The following FAP variants were observed in gnomAD, a reference collection of about 807,000 sequenced individuals.
FAP encodes the protein fibroblast activation protein alpha.
FAP carries 110 observed loss-of-function variants against 126.5 expected under a neutral mutation model. The observed-to-expected ratio is 0.87, with a 90% confidence interval of 0.74 to 1.02. The LOEUF (loss-of-function observed/expected upper bound fraction) is 1.02. Ranked by LOEUF, FAP falls within the 50% of genes least tolerant of loss-of-function variation. The probability of loss-of-function intolerance (pLI) is 0.00; values close to 1 mark genes in which losing one functional copy is unlikely to be tolerated. For missense variants in FAP, 919 were observed against 909.2 expected, an observed-to-expected ratio of 1.01 and a Z score of -0.14; for synonymous variants, 334 against 297.3, an observed-to-expected ratio of 1.12 and a Z score of -1.27.
chr2:162,197,815 C>T (rs1029721122), intron 16 of FAP: 3 of 348,242 alleles, frequency 8.6e-6, no homozygotes, highest in African/African-American at 2.2e-5. Context: ...GGAGCTGATA[C>T]CAAAACAGGA....
chr2:162,180,808 TG>T (rs1395644110), intron 21 of FAP, among the ~76,000 whole-genome samples: 1 of 152,070 alleles, frequency 6.6e-6, no homozygotes, highest in Non-Finnish European at 1.5e-5. Context: ...GTGAGACATG[TG>T]GGAGAGATGA....
At chr2:162,221,302 G>A (rs926174443) in intron 6 of FAP, among the ~76,000 whole-genome samples, 3 of 152,070 alleles carry the variant, frequency 2.0e-5, no homozygotes, top group Non-Finnish European at 4.4e-5. Flanking sequence ...CACTTTGGGC[G>A]GCGGATTTCT....
At chr2:162,192,108 A>G (rs1389001288) in intron 17 of FAP, among the ~76,000 whole-genome samples, 1 of 152,164 alleles carries the variant, frequency 6.6e-6, no homozygotes, top group East Asian at 1.9e-4. Flanking sequence ...TTCAAAAACA[A>G]AATTAAACCT....
At chr2:162,199,674 T>A (rs1482977979) in intron 15 of FAP, among the ~76,000 whole-genome samples, 1 of 152,206 alleles carries the variant, frequency 6.6e-6, no homozygotes, top group Non-Finnish European at 1.5e-5. Flanking sequence ...TGCCAACCTG[T>A]GAGTTTCTTC....
At position 162,226,533 on chromosome 2, in the gene FAP, G is replaced by A; in HGVS notation, c.180C>T (p.Asn60=). Residue 60 remains asparagine (N), a synonymous_variant, in exon 3 of 26, where the codon AAC becomes AAT. Transcript: ENST00000188790. ...AAATAATGCACTTACCTGAAATCCAGTTTGGAAAAAATGTTTTATAAGAAA... is the reference window on the plus strand; with the variant it reads ...AAATAATGCACTTACCTGAAATCCAATTTGGAAAAAATGTTTTATAAGAAA... ...GTFSYKTFFP[N]WISGQEYLHQ... is the part of the protein sequence containing the mutation. 6.4e-7 allele frequency: 1 copy of A among 1,557,130 alleles called. No homozygotes were observed. Among genetic ancestry groups the A allele is most frequent in the South Asian group, 1.2e-5 (1 of 84,348 alleles).
chr2:162,178,861 C>T (rs1687581908), intron 21 of FAP, among the ~76,000 whole-genome samples: 1 of 152,198 alleles, frequency 6.6e-6, no homozygotes, highest in African/African-American at 2.4e-5. Flanking sequence ...AAGTAAACCT[C>T]ATGGTAATTT....
chr2:162,196,997 A>G (rs1485191447), intron 16 of FAP, among the ~76,000 whole-genome samples: 1 of 152,206 alleles, frequency 6.6e-6, no homozygotes, highest in Non-Finnish European at 1.5e-5. Context: ...TTCAGTGGGC[A>G]CACAGGCTCA....
chr2:162,226,736 T>C lies in FAP; in HGVS notation c.92-115A>G, dbSNP rs1689669577. The C allele has an allele frequency of 5.1e-6, 3 of 583,732 alleles. No homozygotes were observed. In the East Asian group the frequency reaches 9.6e-5, roughly 19 times the overall value. The allele number at this position is 583,732 out of a possible 1,614,324, so 36.2% of individuals were successfully genotyped here. On this transcript the variant is annotated intron_variant, in intron 2 of 25. Transcript: ENST00000188790. ...TATAGTAATAAGATCTGCTGTTTGCTAAGTGGTTGTTGAACTCCTATCATC... is the reference window on the plus strand; with the variant it reads ...TATAGTAATAAGATCTGCTGTTTGCCAAGTGGTTGTTGAACTCCTATCATC...
At chr2:162,199,655 G>C (rs1688415828) in intron 15 of FAP, among the ~76,000 whole-genome samples, 1 of 149,726 alleles carries the variant, frequency 6.7e-6, no homozygotes, top group Non-Finnish European at 1.5e-5. Context: ...TGCCTGTCAG[G>C]GTCTCCTGTG....
intron 13 of FAP, 28 bp from the exon 14 acceptor site, chr2:162,202,970 T>C: frequency 6.2e-7 from 1 of 1,608,426 alleles, no homozygotes; most frequent in South Asian, 1.1e-5. Flanking sequence ...TTATGTTGTG[T>C]GAAACTGAGC....
intron 11 of FAP, among the ~76,000 whole-genome samples, chr2:162,211,420 A>G (rs955066145): frequency 9.2e-5 from 14 of 152,182 alleles, no homozygotes; most frequent in Admixed American, 6.5e-4. Context: ...TGTTGTTGTT[A>G]TAGCAGTTAG....
chr2:162,216,000 G>T lies in FAP; in HGVS notation c.764C>A (p.Ala255Asp). 6.2e-7 allele frequency: 1 copy of T among 1,612,200 alleles called. No individual in the cohort carries two copies. ...CCGAACAACGGGATTCTTAGCTCCA[G>T]CCTGCCAAGAAAATTGAGATATATA... is the stretch of plus-strand genomic sequence containing the variant. ...PRTINIPYPK[A>D]GAKNPVVRIF... The change falls in exon 10 of 26, where the codon GCT (alanine) becomes GAT (aspartate). Residue 255 changes from alanine (A) to aspartate (D), a missense_variant and splice_region_variant. Coordinates refer to ENST00000188790, the MANE Select transcript of FAP (RefSeq NM_004460.5).
intron 6 of FAP, chr2:162,221,677 T>C (rs1342222828): frequency 2.2e-6 from 1 of 456,660 alleles, no homozygotes; most frequent in Admixed American, 2.3e-5. Context: ...GCTAAAAATC[T>C]CAGCGCATGT....
At chr2:162,230,524 C>T (rs1313046009) in intron 2 of FAP, among the ~76,000 whole-genome samples, 1 of 151,672 alleles carries the variant, frequency 6.6e-6, no homozygotes, top group African/African-American at 2.4e-5. Flanking sequence ...TAAATATTTG[C>T]TGAATTAAAA....
At chr2:162,236,285 T>C (rs1690126360) in intron 2 of FAP, among the ~76,000 whole-genome samples, 1 of 152,190 alleles carries the variant, frequency 6.6e-6, no homozygotes, top group African/African-American at 2.4e-5. Context: ...CATCTTTGGT[T>C]TTGGCATTAT....
At position 162,183,414 on chromosome 2, in the gene FAP, C is replaced by A; in HGVS notation, c.1869G>T (p.Trp623Cys). 4 of 1,607,734 alleles carry A rather than the reference C, an allele frequency of 2.5e-6. No individual in the cohort carries two copies. The highest frequency in any genetic ancestry group is 2.6e-6 in the Non-Finnish European group (3 of 1,175,788). The change falls in exon 21 of 26, where the codon TGG becomes TGT. Residue 623 changes from tryptophan (W) to cysteine (C), a missense_variant and splice_region_variant. Physicochemically the swap from Trp to Cys is radical, Grantham distance 215. Transcript: ENST00000188790. ...IDEKRIAIWGWSYGGYVSSLA... is the reference protein window; with the variant it reads ...IDEKRIAIWGCSYGGYVSSLA... ...GCATAAAAAATATAAAACAACTCAC[C>A]CAGCCCCATATGGCTATTCTTTTTT...
intron 15 of FAP, among the ~76,000 whole-genome samples, chr2:162,199,380 G>T (rs1047603359): frequency 6.6e-6 from 1 of 152,138 alleles, no homozygotes; most frequent in African/African-American, 2.4e-5. Context: ...TGCCTTCTGC[G>T]CCTTCATTCC....
At chr2:162,234,773 T>C (rs1690036563) in intron 2 of FAP, among the ~76,000 whole-genome samples, 1 of 152,160 alleles carries the variant, frequency 6.6e-6, no homozygotes, top group Admixed American at 6.5e-5. Flanking sequence ...TCAGGAGCCC[T>C]TCAGCCCGCC....
intron 13 of FAP, 26 bp from the exon 14 acceptor site, chr2:162,202,968 T>C: frequency 6.2e-7 from 1 of 1,608,646 alleles, no homozygotes; most frequent in Non-Finnish European, 8.5e-7. Flanking sequence ...CATTATGTTG[T>C]GTGAAACTGA....
Sources: allele counts gnomAD v4.1 joint callset (sites outside exome capture counted in the v4.1 genomes callset), GRCh38; gene constraint gnomAD v4.1.1; transcripts MANE v1.5; gene names NCBI Gene and HGNC (gene_info 2026-07-23, HGNC 2026-07-21).